The following SPAG16 variants were observed in gnomAD, a reference collection of about 807,000 sequenced individuals.
The protein encoded by SPAG16 is sperm-associated antigen 16 protein.
SPAG16 carries 86 observed loss-of-function variants against 80.4 expected under a neutral mutation model. That is an observed-to-expected ratio of 1.07 (90% CI 0.90 to 1.28). The LOEUF (loss-of-function observed/expected upper bound fraction) is 1.28, where lower values mean the gene tolerates loss of function less well. SPAG16 is among the 50% of genes most tolerant of loss of function. SPAG16 has a pLI of 0.00. For missense variants in SPAG16, 870 were observed against 765.3 expected, an observed-to-expected ratio of 1.14 and a Z score of -1.61; for synonymous variants, 294 against 265.9, an observed-to-expected ratio of 1.11 and a Z score of -1.03.
At chr2:213,729,904 C>T (rs944040091) in intron 10 of SPAG16, among the ~76,000 whole-genome samples, 1 of 152,144 alleles carries the variant, frequency 6.6e-6, no homozygotes, top group Non-Finnish European at 1.5e-5. Context: ...TATTTAATGT[C>T]TAGATGAACT....
intron 3 of SPAG16, among the ~76,000 whole-genome samples, chr2:213,298,518 C>T (rs1296875692): frequency 2.6e-5 from 4 of 152,164 alleles, no homozygotes; most frequent in Non-Finnish European, 5.9e-5. Flanking sequence ...GTGGCTAATA[C>T]AGTGCTTGGC....
intron 10 of SPAG16, among the ~76,000 whole-genome samples, chr2:213,666,122 A>C (rs2063591602): frequency 1.3e-5 from 2 of 152,168 alleles, no homozygotes; most frequent in Non-Finnish European, 2.9e-5. Context: ...AAATAATGAG[A>C]ATAGATTGTG....
chr2:214,229,731 G>T (rs1481945764), intron 15 of SPAG16, among the ~76,000 whole-genome samples: 2 of 151,712 alleles, frequency 1.3e-5, no homozygotes, highest in Non-Finnish European at 2.9e-5. Flanking sequence ...AAGGTGACTT[G>T]ATGCCCCTAG....
chr2:214,032,976 G>A (rs190212413), intron 13 of SPAG16, among the ~76,000 whole-genome samples: 10 of 152,238 alleles, frequency 6.6e-5, no homozygotes, highest in African/African-American at 9.6e-5. Context: ...TCAAAAGACT[G>A]TTAACAGAGA....
rs551249221 is a variant in SPAG16 at position 213,660,277 on chromosome 2, T to G, written c.1070+170187T>G. 1.2e-4 allele frequency among the ~76,000 whole-genome samples: 19 copies of G among 152,094 alleles called. 1 individual carries two copies. The South Asian group carries it at 3.3e-3, about 27-fold the overall frequency. On this transcript the variant is annotated intron_variant, in intron 10 of 15. Transcript: ENST00000331683. ...GAGTGGCTATTAGTGTTGTTGTTTT[T>G]TTTTTTTTTCTGAGACAGAGTCTCA...
At chr2:214,384,508 G>A (rs1434693020) in intron 15 of SPAG16, among the ~76,000 whole-genome samples, 5 of 152,284 alleles carry the variant, frequency 3.3e-5, no homozygotes, top group Admixed American at 2.6e-4. Flanking sequence ...TACAAGGGAG[G>A]AAGGTCTGAC....
chr2:213,382,363 A>G (rs950936464), intron 9 of SPAG16, among the ~76,000 whole-genome samples: 4 of 152,232 alleles, frequency 2.6e-5, no homozygotes, highest in Non-Finnish European at 4.4e-5. Flanking sequence ...TGAACATAGT[A>G]GGAGCTAACC....
Position 214,404,042 on chromosome 2 carries a change from A to G in SPAG16, c.1721-6098A>G, listed in dbSNP as rs370920802. ...GGACAGCTAGGAAAAATATTCCACT[A>G]TAGGGAATTACAGAAGAAACAATCC... is the stretch of plus-strand genomic sequence containing the variant. On this transcript the variant is annotated intron_variant, in intron 15 of 15. Coordinates refer to ENST00000331683, the MANE Select transcript of SPAG16 (RefSeq NM_024532.5). 7.2e-5 allele frequency among the ~76,000 whole-genome samples: 11 copies of G among 152,302 alleles called. No individual in the cohort carries two copies. In the South Asian group the frequency reaches 2.3e-3, roughly 32 times the overall value.
intron 7 of SPAG16, among the ~76,000 whole-genome samples, chr2:213,358,457 T>C (rs2065794106): frequency 6.6e-6 from 1 of 152,214 alleles, no homozygotes; most frequent in Non-Finnish European, 1.5e-5. Flanking sequence ...TGTTCATTTC[T>C]TTTTACTCTT....
intron 10 of SPAG16, among the ~76,000 whole-genome samples, chr2:213,834,686 G>A (rs2073979894): frequency 6.6e-6 from 1 of 152,136 alleles, no homozygotes; most frequent in Non-Finnish European, 1.5e-5. Flanking sequence ...GGGAGAAAAT[G>A]AAGTGGAAAG....
chr2:213,566,090 C>T (rs2059752951), intron 10 of SPAG16, among the ~76,000 whole-genome samples: 1 of 152,000 alleles, frequency 6.6e-6, no homozygotes, highest in Non-Finnish European at 1.5e-5. Flanking sequence ...TCCAGCTGAA[C>T]AGTTCAAAAA....
chr2:214,009,197 T>A (rs1190757019), intron 12 of SPAG16, among the ~76,000 whole-genome samples: 1 of 152,096 alleles, frequency 6.6e-6, no homozygotes, highest in African/African-American at 2.4e-5. Flanking sequence ...CACAAACTAC[T>A]GCCATTCCCA....
chr2:213,332,067 GAAGA>G (rs1298534460), intron 5 of SPAG16, among the ~76,000 whole-genome samples: 4 of 151,948 alleles, frequency 2.6e-5, no homozygotes, highest in African/African-American at 9.7e-5. Context: ...AATTTGAAAT[GAAGA>G]AAGCAATACA....
At chr2:213,631,039 GC>G (rs2062132571) in intron 10 of SPAG16, among the ~76,000 whole-genome samples, 1 of 152,110 alleles carries the variant, frequency 6.6e-6, no homozygotes, top group South Asian at 2.1e-4. Flanking sequence ...ATCTGATGGT[GC>G]CGACCTTAAT....
At chr2:214,325,831 T>C (rs542061745) in intron 15 of SPAG16, among the ~76,000 whole-genome samples, 1 of 151,914 alleles carries the variant, frequency 6.6e-6, no homozygotes, top group East Asian at 1.9e-4. Flanking sequence ...GAAAAGGAAA[T>C]AGAGATATTG....
chr2:214,135,667 C>T (rs866689962), intron 14 of SPAG16, among the ~76,000 whole-genome samples: 1 of 152,038 alleles, frequency 6.6e-6, no homozygotes. Context: ...CCCACAAGAG[C>T]TGGTTGTTAA....
intron 15 of SPAG16, among the ~76,000 whole-genome samples, chr2:214,378,461 T>C (rs1463679759): frequency 1.3e-5 from 2 of 152,208 alleles, no homozygotes; most frequent in Non-Finnish European, 2.9e-5. Flanking sequence ...CCTGTATTTC[T>C]GTTTCACTGA....
intron 15 of SPAG16, among the ~76,000 whole-genome samples, chr2:214,269,222 G>GA (rs1170620093): frequency 6.6e-6 from 1 of 151,888 alleles, no homozygotes; most frequent in Non-Finnish European, 1.5e-5. Context: ...TTGTCTTTCT[G>GA]AAAAGAAATG....
At chr2:213,748,129 G>A (rs2067915727) in intron 10 of SPAG16, among the ~76,000 whole-genome samples, 1 of 151,914 alleles carries the variant, frequency 6.6e-6, no homozygotes, top group Admixed American at 6.6e-5. Flanking sequence ...CACAGTTCAT[G>A]AATTTCAGGT....
Sources: gnomAD v4.1 joint callset for allele counts (sites outside exome capture counted in the v4.1 genomes callset) on GRCh38, gnomAD v4.1.1 for gene constraint, MANE v1.5 for transcripts, NCBI Gene and HGNC (gene_info 2026-07-23, HGNC 2026-07-21) for gene names.